Variants in NCOA3 observed in about 807,000 individuals in gnomAD.
NCOA3 encodes nuclear receptor coactivator 3, also known as CBP-interacting protein.
NCOA3 carries 51 observed loss-of-function variants against 158.8 expected under a neutral mutation model. The observed-to-expected ratio is 0.32, with a 90% CI of 0.26 to 0.41. The LOEUF (loss-of-function observed/expected upper bound fraction) is 0.41, where lower values mean the gene tolerates loss of function less well. NCOA3 is among the 10% of genes least tolerant of loss of function. The pLI is 1.00. For missense variants in NCOA3, 1,510 were observed against 1,746.6 expected, an observed-to-expected ratio of 0.86 and a Z score of 2.41; for synonymous variants, 537 against 592.4, an observed-to-expected ratio of 0.91 and a Z score of 1.36.
intron 1 of NCOA3, among the ~76,000 whole-genome samples, chr20:47,575,952 C>T (rs1401753486): frequency 6.6e-6 from 1 of 152,116 alleles, no homozygotes; most frequent in Non-Finnish European, 1.5e-5. Context: ...TCATTTTAGA[C>T]TTGCTCAATG....
chr20:47,511,550 T>TATATATATATATATATATAAATACAC, intron 1 of NCOA3, among the ~76,000 whole-genome samples: 1 of 52,270 alleles, frequency 1.9e-5, no homozygotes, highest in Admixed American at 3.2e-4. Flanking sequence ...TATATATATA[T>TATATATATATATATATATAAATACAC]ATATATTTCT....
chr20:47,574,650 A>G (rs2085344732), intron 1 of NCOA3, among the ~76,000 whole-genome samples: 1 of 152,214 alleles, frequency 6.6e-6, no homozygotes, highest in African/African-American at 2.4e-5. Flanking sequence ...TTTCTACCTT[A>G]ATTAACTTTT....
chr20:47,547,967 GT>G (rs1382609144), intron 1 of NCOA3, among the ~76,000 whole-genome samples: 1 of 150,766 alleles, frequency 6.6e-6, no homozygotes, highest in African/African-American at 2.4e-5. Flanking sequence ...CTGACCTCAG[GT>G]TATCCACCTG....
rs1429321851 is a variant in NCOA3 at position 47,635,449 on chromosome 20, A to G, written c.1240A>G (p.Ser414Gly). Reference sequence around the variant, plus strand: ...AAACCAAGGCTTACAGATGCCGAGCAGCAGGGCCTATGGCTTGGCAGACCC... The same window carrying G: ...AAACCAAGGCTTACAGATGCCGAGCGGCAGGGCCTATGGCTTGGCAGACCC... ...SPNQGLQMPSSRAYGLADPST... is the reference protein window; with the variant it reads ...SPNQGLQMPSGRAYGLADPST... The change falls in exon 11 of 23, where the codon AGC (serine) becomes GGC (glycine). Residue 414 changes from serine (S) to glycine (G), a missense_variant. Coordinates refer to ENST00000371998, the MANE Select transcript of NCOA3 (RefSeq NM_181659.3). The G allele has an allele frequency of 1.2e-6, 2 of 1,614,200 alleles. No homozygotes were observed. The highest frequency in any genetic ancestry group is 1.7e-5 in the Admixed American group (1 of 60,030).
chr20:47,593,029 G>T (rs2085673680), intron 2 of NCOA3, among the ~76,000 whole-genome samples: 2 of 151,832 alleles, frequency 1.3e-5, no homozygotes, highest in African/African-American at 4.8e-5. Context: ...TGCCTCCCAG[G>T]TTCAAGCGAT....
intron 1 of NCOA3, among the ~76,000 whole-genome samples, chr20:47,562,863 A>G (rs1317987138): frequency 6.6e-6 from 1 of 152,122 alleles, no homozygotes; most frequent in Non-Finnish European, 1.5e-5. Context: ...ACATGTAATT[A>G]TGCAGAACTT....
intron 1 of NCOA3, among the ~76,000 whole-genome samples, chr20:47,507,706 C>T (rs1335680089): frequency 6.6e-6 from 1 of 152,154 alleles, no homozygotes; most frequent in African/African-American, 2.4e-5. Context: ...GTAACCTTTG[C>T]CTCCCAGGTT....
chr20:47,623,151 A>G (rs764722112), intron 3 of NCOA3: 2 of 152,236 alleles, frequency 1.3e-5, no homozygotes, highest in Non-Finnish European at 2.9e-5. Context: ...TAATCTATAT[A>G]ACACTACTCT....
rs1568760650 is a variant in NCOA3 at position 47,652,959 on chromosome 20, C to G, written c.4150C>G (p.Gln1384Glu). Residue 1384 changes from glutamine (Q) to glutamate (E), a missense_variant, in exon 22 of 23, where the codon CAG (glutamine) becomes GAG (glutamate). Physicochemically the swap from Gln to Glu is conservative, Grantham distance 29 (BLOSUM62 2). This residue lies in a region of NCOA3 where 180 missense variants were observed against 199.3 expected (regional missense o/e 0.90). Coordinates refer to ENST00000371998, the MANE Select transcript of NCOA3 (RefSeq NM_181659.3). ...CTTTTCCCAGCAGCAGTTTGCCCAC[C>G]AGGGGAATCCTGCAGTGTATAGTAT... ...SSFSQQQFAH[Q>E]GNPAVYSMVH... 1.2e-6 allele frequency: 2 copies of G among 1,614,118 alleles called. No homozygotes were observed. Among genetic ancestry groups the G allele is most frequent in the Non-Finnish European group, 8.5e-7 (1 of 1,180,002 alleles).
At chr20:47,574,979 A>C (rs555671825) in intron 1 of NCOA3, among the ~76,000 whole-genome samples, 1 of 152,328 alleles carries the variant, frequency 6.6e-6, no homozygotes, top group East Asian at 1.9e-4. Flanking sequence ...GAAATATTTT[A>C]ATCTTAATAT....
chr20:47,596,523 G>C (rs2085758885), intron 2 of NCOA3, among the ~76,000 whole-genome samples: 1 of 152,144 alleles, frequency 6.6e-6, no homozygotes, highest in South Asian at 2.1e-4. Flanking sequence ...AAACAAACTT[G>C]ATTTTAACTG....
intron 1 of NCOA3, among the ~76,000 whole-genome samples, chr20:47,536,414 C>G (rs1357939035): frequency 1.3e-5 from 2 of 152,142 alleles, no homozygotes; most frequent in East Asian, 1.9e-4. Context: ...TAATGCTTAC[C>G]TGGTATATGC....
chr20:47,537,478 T>G (rs1568664038), intron 1 of NCOA3, among the ~76,000 whole-genome samples: 1 of 152,018 alleles, frequency 6.6e-6, no homozygotes, highest in African/African-American at 2.4e-5. Context: ...TGTGAGCCAT[T>G]GCACCTGTTC....
chr20:47,598,525 C>G (rs1014446930), intron 2 of NCOA3, among the ~76,000 whole-genome samples: 1 of 151,958 alleles, frequency 6.6e-6, no homozygotes, highest in African/African-American at 2.4e-5. Context: ...TTAGTAGAGA[C>G]AGGGTTTCAC....
In NCOA3 at chr20:47,511,524, G is replaced by GATAT. The variant is rs34123990; in HGVS notation, c.-99+9534_-99+9537dup. Among the ~76,000 whole-genome samples, 129 of 22,012 alleles carry GATAT rather than the reference G, an allele frequency of 5.9e-3. 3 individuals carry two copies. The highest frequency in any genetic ancestry group is 0.011 in the African/African-American group (123 of 11,030). The allele number at this position is 22,012 out of a possible 152,430, so 14.4% of individuals were successfully genotyped here. A position where few individuals can be genotyped will look rare whatever the true frequency, so the allele number is the denominator to read the frequency against. ...TAGCTGAGATATGTATCTCTCTCGA[G>GATAT]ATATATATATATATATATATATATA... is the stretch of plus-strand genomic sequence containing the variant. On this transcript the variant is annotated intron_variant, in intron 1 of 22. Transcript: ENST00000371998.
intron 1 of NCOA3, among the ~76,000 whole-genome samples, chr20:47,521,461 C>G (rs960676238): frequency 1.4e-4 from 22 of 152,048 alleles, no homozygotes; most frequent in African/African-American, 5.3e-4. Context: ...TTATTCCTGA[C>G]GCACGTGGCC....
chr20:47,536,197 C>T (rs908886668), intron 1 of NCOA3, among the ~76,000 whole-genome samples: 2 of 152,180 alleles, frequency 1.3e-5, no homozygotes, highest in African/African-American at 4.8e-5. Flanking sequence ...TCACCATGTA[C>T]CCTACTCATC....
intron 2 of NCOA3, among the ~76,000 whole-genome samples, chr20:47,583,617 C>T (rs2085487833): frequency 6.6e-6 from 1 of 152,160 alleles, no homozygotes; most frequent in African/African-American, 2.4e-5. Flanking sequence ...TATATTATAT[C>T]CTGTATTCTT....
In NCOA3 at chr20:47,613,335, T is replaced by C. The variant is rs1234804468; in HGVS notation, c.-19-8894T>C. Among the ~76,000 whole-genome samples, 9 of 103,820 alleles carry C rather than the reference T, an allele frequency of 8.7e-5. No homozygotes were observed. In the East Asian group the frequency reaches 2.2e-3, roughly 25 times the overall value. The allele number at this position is 103,820 out of a possible 152,430, so 68.1% of individuals were successfully genotyped here. A position where few individuals can be genotyped will look rare whatever the true frequency, so the allele number is the denominator to read the frequency against. The stretch of plus-strand genomic sequence containing the variant: ...TTCATTGTGTTCAAACGATTCCTTC[T>C]TTTTTTTTTTTTTTAACACTTACCA... On this transcript the variant is annotated intron_variant, in intron 2 of 22. Transcript: ENST00000371998.
Sources: allele counts gnomAD v4.1 joint callset (sites outside exome capture counted in the v4.1 genomes callset), GRCh38; gene constraint gnomAD v4.1.1; regional missense constraint gnomAD v4.1.1; transcripts MANE v1.5; gene names NCBI Gene and HGNC (gene_info 2026-07-23, HGNC 2026-07-21).